INTS13: variants seen among roughly 807,000 people sequenced by gnomAD.
INTS13 encodes asunder, spermatogenesis regulator homolog (Drosphila).
INTS13 carries 35 observed loss-of-function variants against 90.2 expected under a neutral mutation model. The observed-to-expected ratio is 0.39, with a 90% CI of 0.30 to 0.51. INTS13 has a LOEUF of 0.51. INTS13 is among the 20% of genes least tolerant of loss of function. The pLI, the probability that INTS13 is intolerant of heterozygous loss-of-function variation, is 0.80. For missense variants in INTS13, 601 were observed against 851.2 expected (o/e 0.71, Z 3.66); for synonymous variants, 309 against 277.1 (o/e 1.11, Z -1.14).
At chr12:26,928,317 A>G (rs374147353) in intron 4 of INTS13, 32 bp from the exon 5 acceptor site, 33 of 1,527,324 alleles carry the variant, frequency 2.2e-5, no homozygotes, top group Non-Finnish European at 2.9e-5. Flanking sequence ...GCAAATTTAA[A>G]GGAATAAACA....
chr12:26,914,263 TTTAATTA>T, intron 12 of INTS13, 135 bp from the exon 13 acceptor site: 1 of 1,195,240 alleles, frequency 8.4e-7, no homozygotes, highest in Non-Finnish European at 1.1e-6. Flanking sequence ...CACTTCAATT[TTTAATTA>T]TTAATTCTTT....
chr12:26,907,729 T>C (rs1393047909), intron 15 of INTS13, among the ~76,000 whole-genome samples: 1 of 152,068 alleles, frequency 6.6e-6, no homozygotes, highest in Admixed American at 6.6e-5. Flanking sequence ...ACTCTCAAAA[T>C]CCACTAATAA....
intron 3 of INTS13, chr12:26,929,185 C>T: frequency 3.8e-6 from 1 of 266,280 alleles, no homozygotes; most frequent in Non-Finnish European, 7.1e-6. Context: ...TCTCAATAAA[C>T]ACAGAAACAG....
At chr12:26,936,407 T>C (rs1488821878) in intron 2 of INTS13, among the ~76,000 whole-genome samples, 172 bp downstream of exon 2, 11 of 152,254 alleles carry the variant, frequency 7.2e-5, no homozygotes, top group Non-Finnish European at 1.2e-4. Context: ...CTGTTATTAT[T>C]ACTGGCCCCA....
intron 5 of INTS13, among the ~76,000 whole-genome samples, chr12:26,927,916 C>T (rs971074627): frequency 2.0e-5 from 3 of 152,134 alleles, no homozygotes; most frequent in Non-Finnish European, 2.9e-5. Context: ...ACACCCAACA[C>T]ATTTTACAAA....
chr12:26,909,402 C>G (rs1436730374), intron 15 of INTS13, among the ~76,000 whole-genome samples: 1 of 151,806 alleles, frequency 6.6e-6, no homozygotes, highest in African/African-American at 2.4e-5. Context: ...ATGGACACAC[C>G]ATTATTCAGT....
upstream of INTS13, chr12:26,938,027 G>T (rs1938576144): frequency 6.6e-6 from 1 of 152,292 alleles, no homozygotes; most frequent in Non-Finnish European, 1.5e-5. Context: ...GGGCTCGCGC[G>T]TGCGCACAGC....
At chr12:26,908,502 T>A (rs1951678212) in intron 15 of INTS13, among the ~76,000 whole-genome samples, 1 of 151,660 alleles carries the variant, frequency 6.6e-6, no homozygotes, top group Non-Finnish European at 1.5e-5. Context: ...AGTCTTTTTT[T>A]CAGTGCCAAT....
intron 3 of INTS13, among the ~76,000 whole-genome samples, chr12:26,930,804 G>A (rs1199000438): frequency 6.6e-6 from 1 of 152,106 alleles, no homozygotes; most frequent in Non-Finnish European, 1.5e-5. Context: ...TACACTACTA[G>A]AAAGCCTTCA....
chr12:26,925,333 AT>A (rs1937809965), intron 6 of INTS13, among the ~76,000 whole-genome samples: 2 of 152,132 alleles, frequency 1.3e-5, no homozygotes, highest in South Asian at 4.1e-4. Flanking sequence ...AATTATTCAA[AT>A]TTATTTAAAA....
chr12:26,910,851 T>C (rs569654740), intron 15 of INTS13, among the ~76,000 whole-genome samples: 1 of 152,256 alleles, frequency 6.6e-6, no homozygotes, highest in Admixed American at 6.5e-5. Flanking sequence ...TTTTTTTTTT[T>C]CTGAAACAGA....
intron 8 of INTS13, among the ~76,000 whole-genome samples, chr12:26,922,231 T>C (rs1427659651): frequency 6.6e-6 from 1 of 152,248 alleles, no homozygotes; most frequent in Non-Finnish European, 1.5e-5. Flanking sequence ...GTATCATTCA[T>C]CTCAGTTTAT....
At chr12:26,920,113 G>T (rs974797645) in intron 8 of INTS13, among the ~76,000 whole-genome samples, 4 of 140,714 alleles carry the variant, frequency 2.8e-5, no homozygotes, top group African/African-American at 1.1e-4. Flanking sequence ...GGGCGACAGA[G>T]CGAGACTCTG....
chr12:26,909,448 A>G (rs1379558803), intron 15 of INTS13, among the ~76,000 whole-genome samples: 1 of 148,028 alleles, frequency 6.8e-6, no homozygotes, highest in African/African-American at 2.5e-5. Flanking sequence ...GGTGCTTGCA[A>G]TTTTTGCCAG....
rs571697657 is a variant in INTS13 at position 26,905,526 on chromosome 12, T to C, written c.2092A>G (p.Thr698Ala). Residue 698 changes from threonine (T) to alanine (A), a missense_variant, in exon 17 of 17, where the codon ACA (threonine) becomes GCA (alanine). Around this residue, in one of 3 missense-constraint regions of INTS13, gnomAD observed 228 missense variants for 272.5 expected, o/e 0.84. Coordinates refer to ENST00000261191, the MANE Select transcript of INTS13 (RefSeq NM_018164.3). The part of the protein sequence containing the change: ...HLKEENGMET[T>A]ENGKASRQ ...TGCCGGCTGGCTTTTCCATTTTCTGTTGTCTCCATCCTGAAATAGGAAGAA... is the reference window on the plus strand; with the variant it reads ...TGCCGGCTGGCTTTTCCATTTTCTGCTGTCTCCATCCTGAAATAGGAAGAA... 9.7e-5 allele frequency: 156 copies of C among 1,612,124 alleles called. No individual in the cohort carries two copies. The highest frequency in any genetic ancestry group is 1.3e-4 in the Non-Finnish European group (151 of 1,179,330).
rs777994257 is a variant in INTS13 at position 26,924,475 on chromosome 12, C to G, written c.684G>C (p.Pro228=). 2 of 1,600,878 alleles carry G rather than the reference C, an allele frequency of 1.2e-6. No individual in the cohort carries two copies. The highest frequency in any genetic ancestry group is 1.1e-5 in the South Asian group (1 of 88,900). Residue 228 remains proline, a synonymous_variant, in exon 7 of 17, where the codon CCG becomes CCC. Transcript: ENST00000261191. ...CACTATGAACTTCACTGGTTAAAACCGGGGACAACTACAGAAAAACATACA... is the reference window on the plus strand; with the variant it reads ...CACTATGAACTTCACTGGTTAAAACGGGGGACAACTACAGAAAAACATACA... The part of the protein sequence containing the change: ...VSDRSKKELS[P]VLTSEVHSVR...
chr12:26,926,996 G>A (rs1937911832), intron 5 of INTS13, among the ~76,000 whole-genome samples: 1 of 152,204 alleles, frequency 6.6e-6, no homozygotes, highest in Admixed American at 6.5e-5. Context: ...CTAAAGTATG[G>A]GGCTCAGAGA....
At chr12:26,936,851 C>G in intron 1 of INTS13, 37 bp from the exon 2 acceptor site, 1 of 1,332,350 alleles carries the variant, frequency 7.5e-7, no homozygotes, top group Non-Finnish European at 1.1e-6. Flanking sequence ...AATATTTGTA[C>G]ATAACATCTT....
chr12:26,907,399 A>G (rs965216833), intron 15 of INTS13, among the ~76,000 whole-genome samples: 6 of 152,246 alleles, frequency 3.9e-5, no homozygotes, highest in East Asian at 1.9e-4. Flanking sequence ...ACATTAGGAC[A>G]TCGTAGGCAA....
Sources: gnomAD v4.1 joint callset for allele counts (sites outside exome capture counted in the v4.1 genomes callset) on GRCh38, gnomAD v4.1.1 for gene constraint, gnomAD v4.1.1 regional missense constraint, MANE v1.5 for transcripts, NCBI Gene and HGNC (gene_info 2026-07-23, HGNC 2026-07-21) for gene names.